The following KIR2DL4 variants were observed in gnomAD, a reference collection of about 807,000 sequenced individuals.
The protein encoded by KIR2DL4 is killer cell immunoglobulin-like receptor 2DL4.
KIR2DL4 carries 41 observed loss-of-function variants against 31.0 expected under a neutral mutation model. That is an observed-to-expected ratio of 1.32 (90% CI 1.03 to 1.72). The LOEUF (loss-of-function observed/expected upper bound fraction) is 1.72. Ranked by LOEUF, KIR2DL4 falls within the 40% of genes most tolerant of loss-of-function variation. KIR2DL4 has a pLI of 0.00. For synonymous variants in KIR2DL4, 164 were observed against 133.6 expected (o/e 1.23, Z -1.57); for missense variants, 438 against 353.7 (o/e 1.24, Z -1.91).
At chr19:54,813,106 G>T in intron 5 of KIR2DL4, 1 of 1,437,590 alleles carries the variant, frequency 7.0e-7, no homozygotes, top group South Asian at 1.2e-5. Flanking sequence ...CTTCTTATTG[G>T]ATTCCCATCT....
At chr19:54,813,973 A>T in exon 8 of KIR2DL4, 1 of 1,612,442 alleles carries the variant, frequency 6.2e-7, no homozygotes, top group East Asian at 2.2e-5. Flanking sequence ...TGTGTATAGA[A>T]CTTCCAAATG....
At chr19:54,805,099 C>A (rs2060432052) in intron 3 of KIR2DL4, 22 bp downstream of exon 3, 9 of 1,572,532 alleles carry the variant, frequency 5.7e-6, no homozygotes, top group Admixed American at 5.3e-5. Context: ...CCTGTCTGGG[C>A]TTCTCCTTGT....
In KIR2DL4 at chr19:54,810,286, T is replaced by C. The variant is rs570712469; in HGVS notation, c.706+1403T>C. 2.3e-4 allele frequency among the ~76,000 whole-genome samples: 24 copies of C among 103,244 alleles called. 1 individual carries two copies. The highest frequency in any genetic ancestry group is 1.1e-3 in the East Asian group (5 of 4,724). 67.7% of individuals were successfully genotyped at this position (103,244 alleles called of 152,430 possible). A position where few individuals can be genotyped will look rare whatever the true frequency, so the allele number is the denominator to read the frequency against. ...CCCATGTCCCACCACGCCTGGCTAA[T>C]TTTTTTTTGGTATTTTTTTTTAGTA... On this transcript the variant is annotated intron_variant, in intron 5 of 7. Transcript: ENST00000359085.
intron 4 of KIR2DL4, among the ~76,000 whole-genome samples, chr19:54,808,219 A>AT (rs199792884): frequency 0.33 from 48,279 of 146,180 alleles, 9,338 homozygotes; most frequent in African/African-American, 0.5. Flanking sequence ...CCAATGGTCT[A>AT]TTTTTTTGTT....
rs192263392 is a variant in KIR2DL4 at position 54,813,158 on chromosome 19, A to G, written c.740A>G (p.Tyr247Cys). The G allele has an allele frequency of 6.0e-5, 91 of 1,522,896 alleles. 2 individuals carry two copies. The highest frequency in any genetic ancestry group is 3.5e-4 in the Middle Eastern group (2 of 5,658). 94.3% of individuals were successfully genotyped at this position (1,522,896 alleles called of 1,614,324 possible). The stretch of plus-strand genomic sequence containing the variant: ...AGACACCTGCATGCTGTGATTAGGT[A>G]CTCAGTGGCCATCATCCTCTTTACC... Residue 247 changes from tyrosine (Y) to cysteine (C), a missense_variant, in exon 6 of 8, where the codon TAC becomes TGC. Coordinates refer to ENST00000359085, the Ensembl canonical transcript of KIR2DL4.
At chr19:54,811,122 T>C (rs921148284) in intron 5 of KIR2DL4, among the ~76,000 whole-genome samples, 18 of 151,526 alleles carry the variant, frequency 1.2e-4, no homozygotes, top group Non-Finnish European at 2.6e-4. Flanking sequence ...CACAAGGTTC[T>C]GAACGGTGGC....
intron 2 of KIR2DL4, among the ~76,000 whole-genome samples, chr19:54,804,261 T>G (rs2060360463): frequency 6.6e-6 from 1 of 150,510 alleles, no homozygotes; most frequent in Non-Finnish European, 1.5e-5. Context: ...CTGGGGTGTG[T>G]GGGGGGATGT....
At chr19:54,812,995 T>G in intron 5 of KIR2DL4, 1 of 624,660 alleles carries the variant, frequency 1.6e-6, no homozygotes, top group Non-Finnish European at 2.7e-6. Context: ...GAAAGCTGGG[T>G]CTCCCGCCTC....
chr19:54,804,874 A>G (rs618835), exon 3 of KIR2DL4: 584,174 of 1,611,444 alleles, frequency 0.36, 109,846 homozygotes, highest in South Asian at 0.39. Flanking sequence ...CGGTGTCACT[A>G]TCGTCGTGGG....
intron 5 of KIR2DL4, chr19:54,813,003 C>CA (rs1283868549): frequency 1.5e-6 from 1 of 671,788 alleles, no homozygotes; most frequent in African/African-American, 2.2e-5. Context: ...GGTCTCCCGC[C>CA]TCGTGGGTGC....
chr19:54,805,004 A>G, exon 3 of KIR2DL4: 1 of 1,611,752 alleles, frequency 6.2e-7, no homozygotes, highest in Non-Finnish European at 8.5e-7. Context: ...GGACCTACAG[A>G]TGTCGAGGTT....
chr19:54,803,895 C>G (rs1057170141), exon 2 of KIR2DL4: 7 of 1,609,980 alleles, frequency 4.3e-6, no homozygotes, highest in Non-Finnish European at 5.9e-6. Flanking sequence ...TTGCAGGGTT[C>G]TTCTTGGACC....
intron 3 of KIR2DL4, 81 bp downstream of exon 3, chr19:54,805,158 C>A: frequency 2.2e-6 from 3 of 1,375,918 alleles, no homozygotes; most frequent in Non-Finnish European, 2.9e-6. Context: ...CACCAGAGTC[C>A]GATCATCCAG....
intron 1 of KIR2DL4, 31 bp from the exon 2 acceptor site, chr19:54,803,860 A>G (rs765224033): frequency 1.9e-6 from 3 of 1,604,396 alleles, no homozygotes; most frequent in Non-Finnish European, 2.6e-6. Flanking sequence ...TGCTGCCGAG[A>G]TGAATAGTTC....
At chr19:54,809,145 C>T (rs1308652804) in intron 5 of KIR2DL4, among the ~76,000 whole-genome samples, 2 of 151,146 alleles carry the variant, frequency 1.3e-5, no homozygotes, top group East Asian at 1.9e-4. Flanking sequence ...AGGAAAAATG[C>T]TGTGTTTGTT....
exon 3 of KIR2DL4, chr19:54,805,012 G>A (rs1218060327): frequency 1.2e-6 from 2 of 1,611,540 alleles, no homozygotes; most frequent in Admixed American, 1.7e-5. Flanking sequence ...AGATGTCGAG[G>A]TTTTCACCCG....
intron 1 of KIR2DL4, 27 bp from the exon 2 acceptor site, chr19:54,803,864 A>G: frequency 6.2e-7 from 1 of 1,605,632 alleles, no homozygotes; most frequent in African/African-American, 1.4e-5. Flanking sequence ...GCCGAGATGA[A>G]TAGTTCATCA....
exon 3 of KIR2DL4, chr19:54,804,928 C>G: frequency 6.2e-7 from 1 of 1,612,314 alleles, no homozygotes; most frequent in Admixed American, 1.7e-5. Context: ...GTCCCTGTCC[C>G]TGAGCTCTAC....
chr19:54,807,935 G>A (rs1414529576), intron 4 of KIR2DL4, among the ~76,000 whole-genome samples: 1 of 151,040 alleles, frequency 6.6e-6, no homozygotes, highest in Non-Finnish European at 1.5e-5. Flanking sequence ...TTTCTCTGAT[G>A]ATTAGTGATA....
Sources: allele counts gnomAD v4.1 joint callset (sites outside exome capture counted in the v4.1 genomes callset), GRCh38; gene constraint gnomAD v4.1.1; transcripts MANE v1.5; gene names NCBI Gene and HGNC (gene_info 2026-07-23, HGNC 2026-07-21).